The following UNC13C variants were observed in gnomAD, a reference collection of about 807,000 sequenced individuals.
UNC13C encodes the protein unc-13 homolog C.
UNC13C carries 174 observed loss-of-function variants against 245.4 expected under a neutral mutation model. The ratio of observed to expected loss-of-function variants is 0.71; its 90% CI spans 0.63 to 0.80. UNC13C has a LOEUF of 0.80. Ranked by LOEUF, UNC13C falls within the 30% of genes least tolerant of loss-of-function variation. The pLI is 0.00. For missense variants in UNC13C, 2,829 were observed against 2,602.9 expected, an observed-to-expected ratio of 1.09 and a Z score of -1.89; for synonymous variants, 992 against 895.1, an observed-to-expected ratio of 1.11 and a Z score of -1.93.
chr15:54,040,831 G>A (rs1896779088), intron 2 of UNC13C, among the ~76,000 whole-genome samples: 1 of 152,126 alleles, frequency 6.6e-6, no homozygotes, highest in Non-Finnish European at 1.5e-5. Flanking sequence ...AAATGTTCTT[G>A]CCTCAGGTAT....
At chr15:54,351,464 T>G (rs1306616849) in intron 17 of UNC13C, among the ~76,000 whole-genome samples, 1 of 152,210 alleles carries the variant, frequency 6.6e-6, no homozygotes. Context: ...GAACTGTTTT[T>G]GCCTAATAGT....
the UNC13C span, among the ~76,000 whole-genome samples, chr15:53,848,030 T>G: frequency 6.6e-6 from 1 of 152,190 alleles, no homozygotes; most frequent in Non-Finnish European, 1.5e-5. Context: ...ATCACCCTTA[T>G]AATGTCTGTA....
At position 54,611,338 on chromosome 15, in the gene UNC13C, C is replaced by T. The variant is rs16974930; in HGVS notation, c.6107-10989C>T. 5.6e-3 allele frequency: 853 copies of T among 152,122 alleles called. 9 individuals are homozygous for T. Among genetic ancestry groups the T allele is most frequent in the African/African-American group, 0.02 (815 of 41,490 alleles). 9.4% of individuals were successfully genotyped at this position (152,122 alleles called of 1,614,324 possible). A position where few individuals can be genotyped will look rare whatever the true frequency, so the allele number is the denominator to read the frequency against. ...AGCCCTTGGGTTTAGAAGGGGTTAA[C>T]AGGATGCAATTGGTTAACAGGATGC... is the stretch of plus-strand genomic sequence containing the variant. On this transcript the variant is annotated intron_variant, in intron 30 of 32. Transcript: ENST00000260323.
intron 4 of UNC13C, among the ~76,000 whole-genome samples, chr15:54,202,393 G>A (rs1322629556): frequency 1.3e-5 from 2 of 151,898 alleles, no homozygotes; most frequent in Non-Finnish European, 2.9e-5. Context: ...CAAATATGGA[G>A]GCATCACATT....
At chr15:54,499,218 G>A (rs1282359476) in intron 20 of UNC13C, among the ~76,000 whole-genome samples, 1 of 152,032 alleles carries the variant, frequency 6.6e-6, no homozygotes, top group African/African-American at 2.4e-5. Context: ...GAGAGAGTGA[G>A]GTGGGATGTG....
intron 2 of UNC13C, among the ~76,000 whole-genome samples, chr15:54,135,804 A>C (rs913251247): frequency 2.6e-5 from 4 of 152,068 alleles, no homozygotes; most frequent in African/African-American, 9.7e-5. Context: ...ATTCCATATA[A>C]GTTTTAGAAT....
chr15:54,315,567 A>T (rs1020883407), intron 13 of UNC13C, among the ~76,000 whole-genome samples: 1 of 151,156 alleles, frequency 6.6e-6, no homozygotes, highest in African/African-American at 2.4e-5. Flanking sequence ...TTCTTCATTT[A>T]TTGTACATAT....
chr15:54,408,938 G>A (rs889348303), intron 18 of UNC13C, among the ~76,000 whole-genome samples: 12 of 152,080 alleles, frequency 7.9e-5, no homozygotes, highest in African/African-American at 2.9e-4. Context: ...TTTTTCCGTG[G>A]TATCATTTAA....
At chr15:54,167,453 G>T (rs1290185076) in intron 4 of UNC13C, among the ~76,000 whole-genome samples, 1 of 139,136 alleles carries the variant, frequency 7.2e-6, no homozygotes, top group Non-Finnish European at 1.5e-5. Flanking sequence ...AGTGAGCCGA[G>T]ATCGCGCCAC....
At chr15:53,865,494 C>A in the UNC13C span, among the ~76,000 whole-genome samples, 4 of 152,202 alleles carry the variant, frequency 2.6e-5, no homozygotes, top group African/African-American at 9.6e-5. Flanking sequence ...CTAAGGACAC[C>A]AGTCATATTA....
chr15:54,021,601 A>C (rs1895906310), intron 2 of UNC13C, among the ~76,000 whole-genome samples: 1 of 152,198 alleles, frequency 6.6e-6, no homozygotes, highest in African/African-American at 2.4e-5. Context: ...GTAGACACTT[A>C]GGTTGCTTTC....
intron 19 of UNC13C, among the ~76,000 whole-genome samples, chr15:54,463,265 C>CGGCGGGG (rs1891961128): frequency 3.8e-5 from 1 of 26,210 alleles, no homozygotes; most frequent in African/African-American, 3.5e-4. Context: ...AGAATGTGGG[C>CGGCGGGG]GGGGGGGGGG....
rs1890546405 is a variant in UNC13C, at chr15:54,441,892, T to A, written c.4933+26825T>A. 3.3e-5 allele frequency among the ~76,000 whole-genome samples: 5 copies of A among 152,004 alleles called. 1 individual carries two copies. Among genetic ancestry groups the A allele is most frequent in the Admixed American group, 3.3e-4 (5 of 15,248 alleles). Reference sequence around the variant, plus strand: ...GTGTTTTGTAGTTTTCATTGTGGAGTCTTTTATCATCTTTGTTTAATTTAT... The same window carrying A: ...GTGTTTTGTAGTTTTCATTGTGGAGACTTTTATCATCTTTGTTTAATTTAT... On this transcript the variant is annotated intron_variant, in intron 19 of 32. Coordinates refer to ENST00000260323, the MANE Select transcript of UNC13C (RefSeq NM_001080534.3).
At chr15:54,127,746 T>TA (rs1216416429) in intron 2 of UNC13C, among the ~76,000 whole-genome samples, 7 of 118,762 alleles carry the variant, frequency 5.9e-5, no homozygotes, top group African/African-American at 2.3e-4. Context: ...TAAATATATA[T>TA]TTCATATATA....
chr15:54,481,297 C>T (rs914697189), intron 19 of UNC13C, among the ~76,000 whole-genome samples: 1 of 152,040 alleles, frequency 6.6e-6, no homozygotes, highest in Admixed American at 6.5e-5. Context: ...ACCCTCAGGC[C>T]CATGAGTGGT....
chr15:54,267,424 G>A (rs2036574710), intron 10 of UNC13C, among the ~76,000 whole-genome samples: 1 of 151,994 alleles, frequency 6.6e-6, no homozygotes, highest in Admixed American at 6.6e-5. Flanking sequence ...TTCATTTCTT[G>A]ATTAACTATG....
chr15:54,453,835 A>C (rs1334213979), intron 19 of UNC13C, among the ~76,000 whole-genome samples: 1 of 152,126 alleles, frequency 6.6e-6, no homozygotes, highest in Non-Finnish European at 1.5e-5. Context: ...ATACACATAA[A>C]ATTTACCATT....
At chr15:54,546,107 G>A (rs1221160521) in intron 26 of UNC13C, among the ~76,000 whole-genome samples, 1 of 152,102 alleles carries the variant, frequency 6.6e-6, no homozygotes, top group Non-Finnish European at 1.5e-5. Flanking sequence ...AAGAAAATGT[G>A]GCACATATAC....
chr15:54,117,827 C>G (rs561907825), intron 2 of UNC13C, among the ~76,000 whole-genome samples: 13 of 152,096 alleles, frequency 8.5e-5, no homozygotes, highest in Non-Finnish European at 1.5e-4. Context: ...GTGATTTCCC[C>G]GCCTTGGCCT....
Sources: gnomAD v4.1 joint callset for allele counts (sites outside exome capture counted in the v4.1 genomes callset) on GRCh38, gnomAD v4.1.1 for gene constraint, MANE v1.5 for transcripts, NCBI Gene and HGNC (gene_info 2026-07-23, HGNC 2026-07-21) for gene names.